The following SNX29 variants were observed in gnomAD, a reference collection of about 807,000 sequenced individuals.
SNX29 encodes the protein sorting nexin 29.
SNX29 carries 78 observed loss-of-function variants against 102.1 expected under a neutral mutation model. That is an observed-to-expected ratio of 0.76 (90% CI 0.64 to 0.92). The LOEUF (loss-of-function observed/expected upper bound fraction) is 0.92, where lower values mean the gene tolerates loss of function less well. SNX29 is among the 40% of genes least tolerant of loss of function. The pLI is 0.00. For missense variants in SNX29, 1,280 were observed against 1,061.7 expected, an observed-to-expected ratio of 1.21 and a Z score of -2.86; for synonymous variants, 580 against 414.5, an observed-to-expected ratio of 1.40 and a Z score of -4.85.
chr16:12,235,653 G>A (rs1171868558), intron 14 of SNX29, among the ~76,000 whole-genome samples: 1 of 152,022 alleles, frequency 6.6e-6, no homozygotes, highest in East Asian at 1.9e-4. Flanking sequence ...TAACACAGAG[G>A]AAAGAAGTGA....
chr16:12,557,108 G>T (rs766714222), intron 20 of SNX29, among the ~76,000 whole-genome samples: 4 of 149,250 alleles, frequency 2.7e-5, no homozygotes, highest in Non-Finnish European at 5.9e-5. Context: ...CTCAACCTCC[G>T]AAAGTGCTGA....
intron 15 of SNX29, among the ~76,000 whole-genome samples, chr16:12,326,967 C>A (rs2081138980): frequency 6.6e-6 from 1 of 152,176 alleles, no homozygotes; most frequent in South Asian, 2.1e-4. Context: ...TGGAGAGAAA[C>A]ACTGAAGGCT....
At chr16:12,420,913 T>C (rs1359396280) in intron 18 of SNX29, among the ~76,000 whole-genome samples, 2 of 152,186 alleles carry the variant, frequency 1.3e-5, no homozygotes, top group Non-Finnish European at 2.9e-5. Context: ...ACCACCTTCT[T>C]GTCTCCTCCG....
chr16:12,003,193 C>T (rs540129578), intron 3 of SNX29, 150 bp downstream of exon 3: 547 of 916,852 alleles, frequency 6.0e-4, no homozygotes, highest in Non-Finnish European at 8.1e-4. Context: ...AGAGGTGCAG[C>T]GCTGAAATTT....
Position 12,568,854 on chromosome 16 carries a change from G to T in SNX29, c.*225G>T. 7.7e-6 allele frequency: 5 copies of T among 645,968 alleles called. No homozygotes were observed. The highest frequency in any genetic ancestry group is 1.0e-5 in the Non-Finnish European group (4 of 392,010). 40.0% of individuals were successfully genotyped at this position (645,968 alleles called of 1,614,324 possible). ...AGGCAGCACCTCGCTGGAGAGACTG[G>T]GACACACAGTCCTTCTGCTTCTGGG... On this transcript the variant is annotated 3_prime_UTR_variant, in exon 21 of 21. Coordinates refer to ENST00000566228, the MANE Select transcript of SNX29 (RefSeq NM_032167.5).
chr16:12,530,838 G>C (rs1370879415), intron 20 of SNX29, among the ~76,000 whole-genome samples: 1 of 152,218 alleles, frequency 6.6e-6, no homozygotes, highest in African/African-American at 2.4e-5. Flanking sequence ...TTACAGGCGT[G>C]AGCCACCGTG....
intron 9 of SNX29, among the ~76,000 whole-genome samples, chr16:12,062,011 C>T (rs1307218065): frequency 6.6e-6 from 1 of 152,114 alleles, no homozygotes; most frequent in East Asian, 1.9e-4. Flanking sequence ...AAGAAGGTAA[C>T]TGAACCCCTG....
chr16:12,368,995 T>C (rs981064303), intron 16 of SNX29, among the ~76,000 whole-genome samples: 1 of 152,208 alleles, frequency 6.6e-6, no homozygotes, highest in African/African-American at 2.4e-5. Flanking sequence ...CCTGCTCTGA[T>C]TGAATAAGTA....
intron 18 of SNX29, among the ~76,000 whole-genome samples, chr16:12,412,189 G>A (rs2084424997): frequency 1.3e-5 from 2 of 152,160 alleles, no homozygotes; most frequent in African/African-American, 2.4e-5. Context: ...AATGCACATT[G>A]CTGCTTAATT....
At chr16:12,378,516 A>G (rs549348610) in intron 16 of SNX29, among the ~76,000 whole-genome samples, 1 of 152,062 alleles carries the variant, frequency 6.6e-6, no homozygotes, top group Non-Finnish European at 1.5e-5. Flanking sequence ...GGGTGTGGTG[A>G]TGTGTGCCTG....
intron 15 of SNX29, among the ~76,000 whole-genome samples, chr16:12,306,343 G>A (rs1034255234): frequency 6.6e-6 from 1 of 151,780 alleles, no homozygotes; most frequent in African/African-American, 2.4e-5. Context: ...TTTACATGCA[G>A]GTGCCTGGCC....
At chr16:12,550,346 C>G (rs1048077538) in intron 20 of SNX29, among the ~76,000 whole-genome samples, 1 of 152,024 alleles carries the variant, frequency 6.6e-6, no homozygotes, top group African/African-American at 2.4e-5. Context: ...ACCAGCCTAG[C>G]CAACAAGAGG....
intron 15 of SNX29, among the ~76,000 whole-genome samples, chr16:12,303,404 A>G (rs540919099): frequency 1.3e-5 from 2 of 152,324 alleles, no homozygotes; most frequent in African/African-American, 4.8e-5. Context: ...TCAACACAGC[A>G]AGGAAAATGG....
At chr16:12,389,045 C>G (rs1324974101) in intron 16 of SNX29, among the ~76,000 whole-genome samples, 2 of 152,134 alleles carry the variant, frequency 1.3e-5, no homozygotes, top group Non-Finnish European at 2.9e-5. Flanking sequence ...GCTCAGTGGT[C>G]CCAGGCCAAT....
rs368310428 is a variant in SNX29, at chr16:12,114,979, C to G, written c.1403-11654C>G. ...CTGTGCCTGGCACTCGGCTGGTGCC[C>G]TGCTAGCAGTTGCTATTAGGAACAC... is the stretch of plus-strand genomic sequence containing the variant. On this transcript the variant is annotated intron_variant, in intron 11 of 20. Coordinates refer to ENST00000566228, the MANE Select transcript of SNX29 (RefSeq NM_032167.5). Among the ~76,000 whole-genome samples the G allele has an allele frequency of 2.0e-5, 3 of 152,180 alleles. No individual in the cohort carries two copies. The East Asian group carries it at 5.8e-4, about 29-fold the overall frequency.
At chr16:12,518,638 C>T (rs950087799) in intron 19 of SNX29, among the ~76,000 whole-genome samples, 2 of 152,194 alleles carry the variant, frequency 1.3e-5, no homozygotes, top group African/African-American at 4.8e-5. Context: ...CTTGCCCCAG[C>T]CTGTCCCTAC....
At chr16:12,433,491 C>T (rs772902675) in intron 18 of SNX29, among the ~76,000 whole-genome samples, 4 of 152,026 alleles carry the variant, frequency 2.6e-5, no homozygotes, top group South Asian at 2.1e-4. Flanking sequence ...ATTAGCCTGG[C>T]GTGGTGGCAT....
intron 20 of SNX29, among the ~76,000 whole-genome samples, chr16:12,543,169 C>T (rs1295187578): frequency 1.3e-5 from 2 of 152,162 alleles, no homozygotes; most frequent in African/African-American, 4.8e-5. Context: ...TTCTCATCAG[C>T]TCCTGTAGAA....
At chr16:12,470,291 A>G (rs1453365230) in intron 18 of SNX29, among the ~76,000 whole-genome samples, 1 of 152,204 alleles carries the variant, frequency 6.6e-6, no homozygotes, top group Non-Finnish European at 1.5e-5. Flanking sequence ...GCAGCCTGAC[A>G]TGTTGGTTCC....
Sources: gnomAD v4.1 joint callset for allele counts (sites outside exome capture counted in the v4.1 genomes callset) on GRCh38, gnomAD v4.1.1 for gene constraint, MANE v1.5 for transcripts, NCBI Gene and HGNC (gene_info 2026-07-23, HGNC 2026-07-21) for gene names.